CDHR4: variants seen among roughly 807,000 people sequenced by gnomAD.
CDHR4 encodes the protein cadherin-related family member 4.
In CDHR4, 89 loss-of-function variants were observed where a neutral mutation model predicts 88.4. The observed-to-expected ratio is 1.01, with a 90% CI of 0.85 to 1.20. CDHR4 has a LOEUF of 1.20. Among genes scored for constraint, CDHR4 ranks in the 50% most tolerant of loss-of-function variants. The pLI, the probability that CDHR4 is intolerant of heterozygous loss-of-function variation, is 0.00. For missense variants in CDHR4, 914 were observed against 1,007.2 expected (o/e 0.91, Z 1.25); for synonymous variants, 368 against 399.2 (o/e 0.92, Z 0.93).
In CDHR4 at chr3:49,793,968, C is replaced by T. The variant is rs1184180934; in HGVS notation, c.1318G>A (p.Glu440Lys). Residue 440 changes from glutamate to lysine, a missense_variant, in exon 11 of 19, where the codon GAG (glutamate) becomes AAG (lysine). Transcript: ENST00000412678. ...PVLVMVTPINEFSPACAPRTF... is the reference protein window; with the variant it reads ...PVLVMVTPINKFSPACAPRTF... ...CGAGGGGCACAGGCTGGGGAGAACTCGTTGATGGGTGTCACCATCACCAGT... is the reference window on the plus strand; with the variant it reads ...CGAGGGGCACAGGCTGGGGAGAACTTGTTGATGGGTGTCACCATCACCAGT... 3 of 1,551,612 alleles carry T rather than the reference C, an allele frequency of 1.9e-6. No homozygotes were observed. The highest frequency in any genetic ancestry group is 2.4e-5 in the East Asian group (1 of 40,936).
chr3:49,795,898 G>A lies in CDHR4; in HGVS notation c.710+45C>T. On this transcript the variant is annotated intron_variant, in intron 6 of 18. Transcript: ENST00000412678. This position sits in a 1 kb window ranked among gnomAD's most constrained non-coding sequence, Gnocchi z 5.4. ...GCCTCACCCTACCTGATTCCCTGGG[G>A]CTAGGCCCTTCCTCCCTCACTGTTC... 1.3e-6 allele frequency: 2 copies of A among 1,516,782 alleles called. No individual in the cohort carries two copies. The highest frequency in any genetic ancestry group is 2.6e-5 in the South Asian group (2 of 77,354). The allele number at this position is 1,516,782 out of a possible 1,614,324, so 94.0% of individuals were successfully genotyped here.
chr3:49,799,517 C>T (rs2081331212), intron 1 of CDHR4, 80 bp from the exon 2 acceptor site: 1 of 1,434,456 alleles, frequency 7.0e-7, no homozygotes, highest in Admixed American at 2.3e-5. Context: ...GTCCTTTTGC[C>T]ACAGGGCCTG....
At chr3:49,802,318 C>T (rs1295394612), upstream of CDHR4, among the ~76,000 whole-genome samples, 1 of 152,140 alleles carries the variant, frequency 6.6e-6, no homozygotes, top group Non-Finnish European at 1.5e-5. Context: ...GGACTACAGG[C>T]GCCCGCCACC....
rs1320539789 is a variant in CDHR4, at chr3:49,795,213, G to A, written c.1014C>T (p.Cys338=). The A allele has an allele frequency of 4.5e-6, 7 of 1,551,636 alleles. No individual in the cohort carries two copies. Among genetic ancestry groups the A allele is most frequent in the East Asian group, 2.4e-5 (1 of 40,916 alleles). The change falls in exon 8 of 19, where the codon TGC becomes TGT. Residue 338 remains cysteine, a synonymous_variant. Coordinates refer to ENST00000412678, the MANE Select transcript of CDHR4 (RefSeq NM_001007540.4). This position sits in a 1 kb window ranked among gnomAD's most constrained non-coding sequence, Gnocchi z 5.4. ...GTACTCACACCAGAAGCGCTGGGAG[G>A]CAGCGTGGAGGCCAGAGGTTGACCA... The part of the protein sequence containing the change: ...VQLVNLWPPR[C]LPALLVSQIP...
rs1252409746 is a variant in CDHR4, at chr3:49,793,200, C to G, written c.1735G>C (p.Glu579Gln). 16 of 1,551,678 alleles carry G rather than the reference C, an allele frequency of 1.0e-5. No individual in the cohort carries two copies. Among genetic ancestry groups the G allele is most frequent in the Non-Finnish European group, 1.2e-5 (14 of 1,146,986 alleles). ...TAGGAGTAGATCAGGCGCTGTGGCT[C>G]CTGAGGGATCTGGCATGACATCTTG... The part of the protein sequence containing the change: ...VTKMSCQIPQ[E>Q]PQRLIYSYSI... The change falls in exon 13 of 19, where the codon GAG becomes CAG. Residue 579 changes from glutamate to glutamine, a missense_variant. By Grantham distance (29) the Glu-to-Gln change is conservative. Coordinates refer to ENST00000412678, the MANE Select transcript of CDHR4 (RefSeq NM_001007540.4).
At chr3:49,799,214 C>T (rs1575354811) in intron 2 of CDHR4, 33 bp downstream of exon 2, 1 of 1,609,554 alleles carries the variant, frequency 6.2e-7, no homozygotes, top group Non-Finnish European at 8.5e-7. Flanking sequence ...GCCCTTGTGC[C>T]CCCACAGTCC....
upstream of CDHR4, among the ~76,000 whole-genome samples, chr3:49,800,096 C>T (rs906555333): frequency 2.6e-5 from 4 of 152,088 alleles, no homozygotes; most frequent in South Asian, 2.1e-4. Context: ...TCATGCAATC[C>T]GTGGAGATAG....
chr3:49,794,739 C>T, intron 9 of CDHR4, 38 bp from the exon 10 acceptor site: 1 of 1,522,434 alleles, frequency 6.6e-7, no homozygotes, highest in South Asian at 1.2e-5. Flanking sequence ...CCAGCCAGGG[C>T]CTGAGAGAGC....
rs1273012165 is a variant in CDHR4 at position 49,791,564 on chromosome 3, C to T, written c.2284-96G>A. On this transcript the variant is annotated intron_variant, in intron 17 of 18. Transcript: ENST00000412678. ...CCCTAGGGGGCCAGAAGCCCACCTGCCTCCTCCATTCTGATGGTGCTAGTG... is the reference window on the plus strand; with the variant it reads ...CCCTAGGGGGCCAGAAGCCCACCTGTCTCCTCCATTCTGATGGTGCTAGTG... 3.4e-6 allele frequency: 5 copies of T among 1,486,912 alleles called. No individual in the cohort carries two copies. The East Asian group carries it at 9.8e-5, about 29-fold the overall frequency. 92.1% of individuals were successfully genotyped at this position (1,486,912 alleles called of 1,614,324 possible).
intron 16 of CDHR4, 23 bp from the exon 17 acceptor site, chr3:49,791,824 G>GTACA: frequency 3.2e-6 from 5 of 1,551,620 alleles, no homozygotes; most frequent in Non-Finnish European, 4.4e-6. Context: ...ACGAGCAAGA[G>GTACA]TACAGGGCAA....
upstream of CDHR4, among the ~76,000 whole-genome samples, chr3:49,800,521 AAAAAAAG>A (rs2081346394): frequency 6.6e-6 from 1 of 152,050 alleles, no homozygotes; most frequent in South Asian, 2.1e-4. Flanking sequence ...CCTGTCTCAA[AAAAAAAG>A]AAAAAAGAAA....
rs753496562 is a variant in CDHR4, at chr3:49,793,864, A to C, written c.1422T>G (p.His474Gln). ...SVVGTDMDYP[H>Q]DNIEYYTSGG... ...CAGAGGTGTAGTACTCAATGTTGTC[A>C]TGAGGGTAATCCATATCCGTGCCCA... is the stretch of plus-strand genomic sequence containing the variant. The change falls in exon 11 of 19, where the codon CAT (histidine) becomes CAG (glutamine). Residue 474 changes from histidine (H) to glutamine (Q), a missense_variant. Physicochemically the swap from His to Gln is conservative, Grantham distance 24. Coordinates refer to ENST00000412678, the MANE Select transcript of CDHR4 (RefSeq NM_001007540.4). The C allele has an allele frequency of 7.3e-5, 114 of 1,551,654 alleles. No homozygotes were observed. The highest frequency in any genetic ancestry group is 9.9e-5 in the Non-Finnish European group (113 of 1,147,012).
In CDHR4 at chr3:49,796,961, C is replaced by T. The variant is rs905680123; in HGVS notation, c.567G>A (p.Leu189=). 1 of 1,551,724 alleles carries T rather than the reference C, an allele frequency of 6.4e-7. No individual in the cohort carries two copies. Among genetic ancestry groups the T allele is most frequent in the Non-Finnish European group, 8.7e-7 (1 of 1,146,990 alleles). Residue 189 remains leucine, a synonymous_variant, in exon 5 of 19, where the codon CTG becomes CTA. Transcript: ENST00000412678. ...GPFSINEQGW[L]QAPSQGLLGQ... ...CTAGGAGGCCCTGGGATGGTGCCTG[C>T]AGCCAACCTTGCTCATTGATGGAGA...
rs1266867303 is a variant in CDHR4, at chr3:49,796,017, A to C, written c.636T>G (p.Phe212Leu). 1 of 1,538,168 alleles carries C rather than the reference A, an allele frequency of 6.5e-7. No homozygotes were observed. The highest frequency in any genetic ancestry group is 8.8e-7 in the Non-Finnish European group (1 of 1,142,072). ...TCCCTTGGCAGCTTTGCCTTTGTCC[A>C]AAGGACACTGAGATTTGCAGCTGGA... Reference protein sequence around the residue: ...KVFQLQISVSFGQRQSCQGMV... With the variant: ...KVFQLQISVSLGQRQSCQGMV... Residue 212 changes from phenylalanine (F) to leucine (L), a missense_variant, in exon 6 of 19, where the codon TTT (phenylalanine) becomes TTG (leucine). Physicochemically the swap from Phe to Leu is conservative, Grantham distance 22. Coordinates refer to ENST00000412678, the MANE Select transcript of CDHR4 (RefSeq NM_001007540.4).
Position 49,799,386 on chromosome 3 carries a change from C to G in CDHR4, c.101G>C (p.Gly34Ala). 6.2e-7 allele frequency: 1 copy of G among 1,610,648 alleles called. No homozygotes were observed. The highest frequency in any genetic ancestry group is 8.5e-7 in the Non-Finnish European group (1 of 1,178,566). Residue 34 changes from glycine (G) to alanine (A), a missense_variant, in exon 2 of 19, where the codon GGC becomes GCC. Gly to Ala is a moderately conservative substitution (Grantham distance 60). Transcript: ENST00000412678. ...GAAGGATAAAAACTGAAGGACTGTG[C>G]CAGGGCCCTGGCTCTCAGAGACATT... The part of the protein sequence containing the change: ...FINVSESQGP[G>A]TVLQFLSFNC...
intron 15 of CDHR4, 80 bp downstream of exon 15, chr3:49,792,388 C>G: frequency 6.7e-7 from 1 of 1,498,816 alleles, no homozygotes; most frequent in South Asian, 1.3e-5. Context: ...GTCATCTAAT[C>G]TTGGGTGAAA....
intron 1 of CDHR4, 81 bp downstream of exon 1, chr3:49,799,683 C>T (rs1309922625): frequency 6.7e-6 from 10 of 1,484,896 alleles, no homozygotes; most frequent in Non-Finnish European, 9.4e-6. Context: ...TCCCCCAATC[C>T]CTGTCCTCCA....
intron 4 of CDHR4, among the ~76,000 whole-genome samples, chr3:49,797,584 T>A (rs879836270): frequency 4.0e-5 from 6 of 150,864 alleles, no homozygotes; most frequent in Non-Finnish European, 5.9e-5. Flanking sequence ...TGGGTTCAAG[T>A]GATTCTTCAG....
At chr3:49,799,189 G>C (rs1230975175) in intron 2 of CDHR4, 33 bp from the exon 3 acceptor site, 1 of 1,599,756 alleles carries the variant, frequency 6.3e-7, no homozygotes, top group African/African-American at 1.3e-5. Context: ...TGTGGGGCTT[G>C]GAAATTTTAG....
Sources: allele counts gnomAD v4.1 joint callset (sites outside exome capture counted in the v4.1 genomes callset), GRCh38; gene constraint gnomAD v4.1.1; non-coding constraint Gnocchi (gnomAD v3.1); transcripts MANE v1.5; gene names NCBI Gene and HGNC (gene_info 2026-07-23, HGNC 2026-07-21).